PCSK5: variants seen among roughly 807,000 people sequenced by gnomAD.
PCSK5 encodes the protein proprotein convertase subtilisin/kexin type 5, also known as prohormone convertase 5.
Under a neutral mutation model 233.2 loss-of-function variants are expected in PCSK5, and 129 were observed. The observed-to-expected ratio is 0.55, with a 90% CI of 0.48 to 0.64. The LOEUF (loss-of-function observed/expected upper bound fraction) is 0.64, where lower values mean the gene tolerates loss of function less well. PCSK5 is among the 30% of genes least tolerant of loss of function. The pLI is 0.00. For missense variants in PCSK5, 2,076 were observed against 2,430.1 expected (o/e 0.85, Z 3.06); for synonymous variants, 825 against 879.2 (o/e 0.94, Z 1.09).
chr9:76,035,661 A>G (rs950822080), intron 5 of PCSK5, among the ~76,000 whole-genome samples: 3 of 152,220 alleles, frequency 2.0e-5, no homozygotes, highest in African/African-American at 7.2e-5. Context: ...TGGAAATCGC[A>G]GTAAAGGAAA....
chr9:76,018,473 G>GCACCAA (rs1828046104), intron 3 of PCSK5, among the ~76,000 whole-genome samples: 3 of 152,170 alleles, frequency 2.0e-5, no homozygotes, highest in African/African-American at 4.8e-5. Context: ...TCTCAGAGGA[G>GCACCAA]CACCAACCCT....
intron 24 of PCSK5, among the ~76,000 whole-genome samples, chr9:76,261,805 T>C (rs1192578628): frequency 6.6e-6 from 1 of 152,202 alleles, no homozygotes; most frequent in Non-Finnish European, 1.5e-5. Flanking sequence ...TGGCTCTCTG[T>C]TTGTCTGTTA....
At chr9:76,025,837 A>G (rs1245030311) in intron 4 of PCSK5, among the ~76,000 whole-genome samples, 2 of 152,220 alleles carry the variant, frequency 1.3e-5, no homozygotes, top group Non-Finnish European at 2.9e-5. Flanking sequence ...TGCTATAAAA[A>G]TGTTCTACTA....
intron 9 of PCSK5, among the ~76,000 whole-genome samples, chr9:76,122,236 A>T (rs1437808925): frequency 6.6e-6 from 1 of 150,628 alleles, no homozygotes; most frequent in Non-Finnish European, 1.5e-5. Flanking sequence ...TTTATCAGTA[A>T]TTTTTTTTCT....
intron 24 of PCSK5, among the ~76,000 whole-genome samples, chr9:76,273,691 G>A (rs1827602683): frequency 6.6e-6 from 1 of 150,662 alleles, no homozygotes; most frequent in South Asian, 2.1e-4. Flanking sequence ...GGAGTGCAGT[G>A]GTGCGATCAT....
At chr9:76,282,120 CTTTTTTTTTTTTT>C (rs71372059) in intron 24 of PCSK5, among the ~76,000 whole-genome samples, 5 of 14,508 alleles carry the variant, frequency 3.4e-4, no homozygotes, top group Non-Finnish European at 5.4e-4. Context: ...CTTTTCTTTG[CTTTTTTTTTTTTT>C]TTTTTTTTTT....
Position 76,029,598 on chromosome 9 carries a change from A to G in PCSK5, c.632+2561A>G, listed in dbSNP as rs374350665. 6.2e-4 allele frequency among the ~76,000 whole-genome samples: 94 copies of G among 152,306 alleles called. 4 individuals carry two copies. In the South Asian group the frequency reaches 0.019, roughly 31 times the overall value. On this transcript the variant is annotated intron_variant, in intron 5 of 37. Coordinates refer to ENST00000674117, the MANE Select transcript of PCSK5 (RefSeq NM_001372043.1). Reference sequence around the variant, plus strand: ...AGGCTTTTTAAATTGGCTTTGATGGAACTGCGTTCCATAAGGAATCTCAGA... The same window carrying G: ...AGGCTTTTTAAATTGGCTTTGATGGGACTGCGTTCCATAAGGAATCTCAGA...
rs1358975919 is a variant in PCSK5, at chr9:76,175,095, C to A, written c.1866C>A (p.Asp622Glu). ...VERFRYSRVE[D>E]PTDDYGTEDY... is the part of the protein sequence containing the mutation. ...GGTTCCGCTATAGCCGAGTTGAAGA[C>A]CCCACAGACGACTATGGCACAGAGG... The change falls in exon 14 of 38, where the codon GAC (aspartate) becomes GAA (glutamate). Residue 622 changes from aspartate (D) to glutamate (E), a missense_variant. Physicochemically the swap from Asp to Glu is conservative, Grantham distance 45. Transcript: ENST00000674117. The A allele has an allele frequency of 3.7e-6, 6 of 1,613,962 alleles. No individual in the cohort carries two copies. Among genetic ancestry groups the A allele is most frequent in the East Asian group, 4.5e-5 (2 of 44,894 alleles).
intron 20 of PCSK5, among the ~76,000 whole-genome samples, chr9:76,219,396 A>G (rs1273899962): frequency 1.3e-5 from 2 of 152,184 alleles, no homozygotes; most frequent in African/African-American, 4.8e-5. Context: ...AGGGAGGTTC[A>G]TTGGGTTGCT....
At chr9:76,345,509 C>T (rs1012742884) in intron 35 of PCSK5, among the ~76,000 whole-genome samples, 4 of 152,164 alleles carry the variant, frequency 2.6e-5, no homozygotes, top group Non-Finnish European at 1.5e-5. Flanking sequence ...AGCTCTGCCT[C>T]CCGGGTTCAC....
intron 10 of PCSK5, among the ~76,000 whole-genome samples, chr9:76,141,152 G>C (rs2131769355): frequency 6.6e-6 from 1 of 152,146 alleles, no homozygotes; most frequent in South Asian, 2.1e-4. Context: ...AGTGTATTTT[G>C]ACTATCAAGT....
intron 1 of PCSK5, among the ~76,000 whole-genome samples, chr9:75,928,353 G>A (rs1823596461): frequency 6.6e-6 from 1 of 151,628 alleles, no homozygotes; most frequent in Non-Finnish European, 1.5e-5. Flanking sequence ...ATCAGCTTTT[G>A]TTTTACATTA....
At chr9:76,265,402 T>A (rs1220610734) in intron 24 of PCSK5, among the ~76,000 whole-genome samples, 1 of 151,140 alleles carries the variant, frequency 6.6e-6, no homozygotes, top group Non-Finnish European at 1.5e-5. Flanking sequence ...AAATAAAAGT[T>A]GAAAAAAGGT....
chr9:76,189,974 AATTTTTTTAATTAATAAACTTT>A (rs1824288930), intron 20 of PCSK5, among the ~76,000 whole-genome samples: 1 of 152,212 alleles, frequency 6.6e-6, no homozygotes, highest in Admixed American at 6.5e-5. Flanking sequence ...GGCTCAAGTT[AATTTTTTTAATTAATAAACTTT>A]ATTTTTTGAG....
intron 12 of PCSK5, among the ~76,000 whole-genome samples, chr9:76,165,376 T>A (rs1023415757): frequency 6.6e-6 from 1 of 152,230 alleles, no homozygotes; most frequent in Admixed American, 6.5e-5. Context: ...TTATAAAACA[T>A]CTTGTTATTT....
intron 7 of PCSK5, among the ~76,000 whole-genome samples, chr9:76,078,061 A>G (rs896566642): frequency 3.3e-5 from 5 of 152,082 alleles, no homozygotes; most frequent in African/African-American, 1.2e-4. Flanking sequence ...AAATTTTTTC[A>G]TATTTGTTGT....
At chr9:76,004,318 G>C (rs1827387815) in intron 3 of PCSK5, among the ~76,000 whole-genome samples, 1 of 152,020 alleles carries the variant, frequency 6.6e-6, no homozygotes, top group Non-Finnish European at 1.5e-5. Flanking sequence ...CCTAGGGTAA[G>C]ACTGCATCCT....
chr9:76,274,685 A>C (rs1234588849), intron 24 of PCSK5, among the ~76,000 whole-genome samples: 1 of 152,206 alleles, frequency 6.6e-6, no homozygotes, highest in African/African-American at 2.4e-5. Flanking sequence ...CCTATGTGAT[A>C]TCTAGCTTAG....
At chr9:76,138,522 G>C (rs1823072299) in intron 10 of PCSK5, among the ~76,000 whole-genome samples, 1 of 151,946 alleles carries the variant, frequency 6.6e-6, no homozygotes, top group South Asian at 2.1e-4. Context: ...CTCCCTTTTA[G>C]TGCTATAATC....
Sources: gnomAD v4.1 joint callset for allele counts (sites outside exome capture counted in the v4.1 genomes callset) on GRCh38, gnomAD v4.1.1 for gene constraint, MANE v1.5 for transcripts, NCBI Gene and HGNC (gene_info 2026-07-23, HGNC 2026-07-21) for gene names.